The following FAM120C variants were observed in gnomAD, a reference collection of about 807,000 sequenced individuals.
FAM120C encodes constitutive coactivator of PPAR-gamma-like protein 2.
Under a neutral mutation model 71.2 loss-of-function variants are expected in FAM120C, and 14 were observed. That is an observed-to-expected ratio of 0.20 (90% CI 0.13 to 0.31). The LOEUF (loss-of-function observed/expected upper bound fraction) is 0.31. Ranked by LOEUF, FAM120C falls within the 10% of genes least tolerant of loss-of-function variation. FAM120C has a pLI of 1.00. For missense variants in FAM120C, 500 were observed against 879.0 expected, an observed-to-expected ratio of 0.57 and a Z score of 5.45; for synonymous variants, 354 against 353.2, an observed-to-expected ratio of 1.00 and a Z score of -0.03.
chrX:54,163,925 CAT>C (rs1397391040), intron 1 of FAM120C, among the ~76,000 whole-genome samples: 5 of 104,641 alleles, frequency 4.8e-5, no homozygotes, highest in Non-Finnish European at 7.9e-5. Flanking sequence ...TGTATATATA[CAT>C]ATATATATAT....
chrX:54,151,386 G>GAT lies in FAM120C; in HGVS notation c.1030-15_1030-14dup. ...GATGAGCTCGAACCTAGAAAGGCAA[G>GAT]ATAAGCAAGGGACACTGACATCAAA... is the stretch of plus-strand genomic sequence containing the variant. On this transcript the variant is annotated splice_polypyrimidine_tract_variant and intron_variant, in intron 3 of 15. Coordinates refer to ENST00000375180, the MANE Select transcript of FAM120C (RefSeq NM_017848.6). 1 of 1,202,733 alleles carries GAT rather than the reference G, an allele frequency of 8.3e-7. No individual in the cohort carries two copies. Among genetic ancestry groups the GAT allele is most frequent in the Non-Finnish European group, 1.1e-6 (1 of 891,647 alleles).
At chrX:54,098,477 T>A (rs2066865631) in intron 10 of FAM120C, among the ~76,000 whole-genome samples, 1 of 111,931 alleles carries the variant, frequency 8.9e-6, no homozygotes, top group Admixed American at 9.6e-5. Context: ...GATGTCTTCT[T>A]TTTAAATCTC....
At chrX:54,170,891 G>A (rs925719720) in intron 1 of FAM120C, among the ~76,000 whole-genome samples, 7 of 111,745 alleles carry the variant, frequency 6.3e-5, no homozygotes, top group Non-Finnish European at 1.3e-4. Flanking sequence ...AAATCTTCAC[G>A]ACTGAGAAGT....
At chrX:54,174,338 G>A (rs938305736) in intron 1 of FAM120C, among the ~76,000 whole-genome samples, 1 of 111,930 alleles carries the variant, frequency 8.9e-6, no homozygotes, top group African/African-American at 3.3e-5. Context: ...TTACAAAAGG[G>A]TGTGAATACC....
At chrX:54,099,595 A>AGT (rs1294131074) in intron 10 of FAM120C, among the ~76,000 whole-genome samples, 1 of 112,037 alleles carries the variant, frequency 8.9e-6, no homozygotes, top group Non-Finnish European at 1.9e-5. Flanking sequence ...TTGTCTTCTA[A>AGT]GTGTTTTATA....
At chrX:54,091,560 G>T (rs1557122630) in intron 10 of FAM120C, 134 bp from the exon 11 acceptor site, 1 of 427,804 alleles carries the variant, frequency 2.3e-6, no homozygotes, top group African/African-American at 2.5e-5. Context: ...GAAGGAAAAA[G>T]AATCTCTGCT....
chrX:54,125,049 T>C (rs2067019219), intron 9 of FAM120C, among the ~76,000 whole-genome samples: 1 of 110,516 alleles, frequency 9.0e-6, no homozygotes, highest in Non-Finnish European at 1.9e-5. Flanking sequence ...TTTGCAGCTT[T>C]GTCAATAATC....
intron 4 of FAM120C, among the ~76,000 whole-genome samples, chrX:54,143,495 T>A (rs2067138131): frequency 8.9e-6 from 1 of 112,608 alleles, no homozygotes; most frequent in Non-Finnish European, 1.9e-5. Context: ...TCACCACTGA[T>A]CCCACAGAAA....
intron 1 of FAM120C, among the ~76,000 whole-genome samples, chrX:54,170,668 T>C (rs2067283036): frequency 8.9e-6 from 1 of 112,080 alleles, no homozygotes; most frequent in South Asian, 3.7e-4. Context: ...ACAAGTCACT[T>C]AGCTTCTTCA....
intron 4 of FAM120C, among the ~76,000 whole-genome samples, chrX:54,150,709 T>G (rs1192427088): frequency 8.9e-6 from 1 of 111,759 alleles, no homozygotes; most frequent in Non-Finnish European, 1.9e-5. Context: ...GTAATTTGTT[T>G]TCATTTTCTA....
chrX:54,073,317 T>C lies in FAM120C; in HGVS notation c.3037-30A>G, dbSNP rs782534149. ...TAAAAACAGAGATACTCAGTGGAAA[T>C]GGGAATCCCAGACTGGCTGACCCTT... On this transcript the variant is annotated intron_variant, in intron 15 of 15. Transcript: ENST00000375180. 8.5e-6 allele frequency: 10 copies of C among 1,177,993 alleles called. No individual in the cohort carries two copies. In the Admixed American group the frequency reaches 2.3e-4, roughly 27 times the overall value.
intron 13 of FAM120C, among the ~76,000 whole-genome samples, chrX:54,083,433 CCACA>C (rs781964795): frequency 0.075 from 5,903 of 78,856 alleles, 355 homozygotes; most frequent in African/African-American, 0.2. Flanking sequence ...GACCCCATCT[CCACA>C]CACACACACA....
chrX:54,130,592 A>C (rs1557129124), intron 9 of FAM120C, among the ~76,000 whole-genome samples: 1 of 111,149 alleles, frequency 9.0e-6, no homozygotes, highest in African/African-American at 3.3e-5. Flanking sequence ...ACACTGTGTC[A>C]TTATTGACAG....
intron 3 of FAM120C, among the ~76,000 whole-genome samples, chrX:54,153,168 G>A (rs2067192124): frequency 1.8e-5 from 2 of 111,723 alleles, no homozygotes; most frequent in Admixed American, 1.9e-4. Context: ...AGAAGTGTGT[G>A]CATATAATTT....
At chrX:54,094,665 G>A (rs1386550617) in intron 10 of FAM120C, among the ~76,000 whole-genome samples, 1 of 108,386 alleles carries the variant, frequency 9.2e-6, no homozygotes, top group Non-Finnish European at 1.9e-5. Context: ...TTGGGAGGCC[G>A]AGGTGGGCAG....
intron 5 of FAM120C, among the ~76,000 whole-genome samples, chrX:54,135,999 C>CTTT (rs782253279): frequency 3.1e-5 from 3 of 96,941 alleles, no homozygotes; most frequent in Middle Eastern, 4.9e-3. Context: ...CAGGGCCCTT[C>CTTT]TTTTTTTTTT....
chrX:54,176,346 T>C (rs782552693), intron 1 of FAM120C, among the ~76,000 whole-genome samples: 7 of 107,823 alleles, frequency 6.5e-5, no homozygotes, highest in African/African-American at 2.4e-4. Flanking sequence ...GGCAGGAGAA[T>C]TGCTTGAACC....
At chrX:54,105,211 C>A (rs188278676) in intron 10 of FAM120C, among the ~76,000 whole-genome samples, 1 of 111,674 alleles carries the variant, frequency 9.0e-6, no homozygotes, top group Admixed American at 9.6e-5. Flanking sequence ...TTGTCCACCA[C>A]GATCAAGTCG....
chrX:54,169,725 G>A (rs915664550), intron 1 of FAM120C, among the ~76,000 whole-genome samples: 4 of 111,863 alleles, frequency 3.6e-5, no homozygotes, highest in Non-Finnish European at 5.6e-5. Context: ...ATTCGAGGGC[G>A]GGATGGATTA....
Sources: allele counts gnomAD v4.1 joint callset (sites outside exome capture counted in the v4.1 genomes callset), GRCh38; gene constraint gnomAD v4.1.1; transcripts MANE v1.5; gene names NCBI Gene and HGNC (gene_info 2026-07-23, HGNC 2026-07-21).